The following CCDC57 variants were observed in gnomAD, a reference collection of about 807,000 sequenced individuals.
CCDC57 encodes the protein coiled-coil domain-containing protein 57.
A neutral mutation model predicts 118.9 loss-of-function variants in CCDC57; 118 were observed. That is an observed-to-expected ratio of 0.99 (90% CI 0.86 to 1.16). The LOEUF is 1.16. Ranked by LOEUF, CCDC57 falls within the 50% of genes most tolerant of loss-of-function variation. The pLI is 0.00. For synonymous variants in CCDC57, 527 were observed against 532.9 expected (o/e 0.99, Z 0.15); for missense variants, 1,300 against 1,320.7 (o/e 0.98, Z 0.24).
intron 19 of CCDC57, among the ~76,000 whole-genome samples, chr17:82,108,358 G>A (rs538470145): frequency 2.6e-4 from 40 of 152,320 alleles, no homozygotes; most frequent in African/African-American, 8.7e-4. Context: ...CCTCGAAGGA[G>A]TCCCCCAGCC....
intron 19 of CCDC57, among the ~76,000 whole-genome samples, chr17:82,105,614 C>A (rs1461609977): frequency 4.6e-5 from 7 of 152,178 alleles, no homozygotes; most frequent in Non-Finnish European, 1.0e-4. Context: ...ACCCCCACCC[C>A]TGAGCTCCTG....
intron 19 of CCDC57, among the ~76,000 whole-genome samples, chr17:82,123,283 G>A (rs1455019272): frequency 7.1e-6 from 1 of 141,580 alleles, no homozygotes; most frequent in African/African-American, 2.6e-5. Flanking sequence ...ATGAACCAGT[G>A]TGCCCGGCCC....
intron 1 of CCDC57, among the ~76,000 whole-genome samples, chr17:82,209,584 A>C (rs2050025750): frequency 6.6e-6 from 1 of 151,692 alleles, no homozygotes; most frequent in African/African-American, 2.4e-5. Flanking sequence ...CTGAGCTCAG[A>C]TGGTCCTCCT....
At chr17:82,147,694 T>G (rs1598897991) in intron 16 of CCDC57, among the ~76,000 whole-genome samples, 1 of 105,066 alleles carries the variant, frequency 9.5e-6, no homozygotes, top group Non-Finnish European at 2.0e-5. Context: ...AATGGGTGGG[T>G]GGATGGATGG....
intron 18 of CCDC57, among the ~76,000 whole-genome samples, chr17:82,128,165 C>G (rs2037753848): frequency 6.6e-6 from 1 of 152,142 alleles, no homozygotes; most frequent in Admixed American, 6.5e-5. Context: ...AATGACAAAA[C>G]ATGTCTAGGG....
chr17:82,155,343 CT>C (rs377376624), intron 15 of CCDC57: 222 of 152,416 alleles, frequency 1.5e-3, no homozygotes, highest in African/African-American at 5.1e-3. Flanking sequence ...CCCCGTTCCC[CT>C]GACCGATCTG....
At chr17:82,175,614 G>A (rs1261632980) in intron 11 of CCDC57, 6 of 152,236 alleles carry the variant, frequency 3.9e-5, no homozygotes, top group African/African-American at 1.4e-4. Flanking sequence ...CGCCTCTGCA[G>A]ATGGAACCAC....
At chr17:82,205,957 A>G (rs2049576653) in intron 2 of CCDC57, among the ~76,000 whole-genome samples, 1 of 152,240 alleles carries the variant, frequency 6.6e-6, no homozygotes, top group Non-Finnish European at 1.5e-5. Context: ...GATGATCCCC[A>G]AAGCCCCAAG....
chr17:82,118,455 C>T lies in CCDC57; in HGVS notation c.2899+9237G>A, dbSNP rs1481133569. Among the ~76,000 whole-genome samples the T allele has an allele frequency of 6.6e-6, 1 of 152,168 alleles. No homozygotes were observed. The highest frequency in any genetic ancestry group is 1.5e-5 in the Non-Finnish European group (1 of 68,038). On this transcript the variant is annotated intron_variant, in intron 19 of 19. Transcript: ENST00000665763. This position sits in a 1 kb window ranked among gnomAD's most constrained non-coding sequence, Gnocchi z 4.7. ...GGGTTTGGAACATCCTTTGCCCCAG[C>T]GAGGTGCGAGGTGCTCCGGAACTTG...
intron 7 of CCDC57, among the ~76,000 whole-genome samples, chr17:82,191,265 A>G (rs2047640721): frequency 6.6e-6 from 1 of 152,094 alleles, no homozygotes; most frequent in Non-Finnish European, 1.5e-5. Flanking sequence ...GCGCCAGATG[A>G]TGAGGAAACA....
intron 11 of CCDC57, chr17:82,175,514 G>A (rs1474019921): frequency 6.6e-6 from 1 of 152,230 alleles, no homozygotes; most frequent in East Asian, 1.9e-4. Context: ...TGCCTCCTTT[G>A]GAGAGGCTCA....
Position 82,120,177 on chromosome 17 carries a change from T to A in CCDC57, c.2899+7515A>T, listed in dbSNP as rs533851889. On this transcript the variant is annotated intron_variant, in intron 19 of 19. Transcript: ENST00000665763. Reference sequence around the variant, plus strand: ...TCATTTCATTATTATTATTATTATTTTTTTTTTGCAGAGATGTTGCCCAGG... The same window carrying A: ...TCATTTCATTATTATTATTATTATTATTTTTTTGCAGAGATGTTGCCCAGG... Among the ~76,000 whole-genome samples the A allele has an allele frequency of 1.0e-3, 152 of 148,306 alleles. 1 individual carries two copies. The highest frequency in any genetic ancestry group is 3.4e-3 in the Middle Eastern group (1 of 292).
intron 2 of CCDC57, among the ~76,000 whole-genome samples, chr17:82,203,948 G>A (rs1396678017): frequency 6.6e-6 from 1 of 152,170 alleles, no homozygotes; most frequent in Non-Finnish European, 1.5e-5. Flanking sequence ...AGAGGGAGCG[G>A]GTACAAGGGC....
At chr17:82,198,865 C>T (rs1201531976) in intron 3 of CCDC57, among the ~76,000 whole-genome samples, 4 of 151,398 alleles carry the variant, frequency 2.6e-5, no homozygotes, top group African/African-American at 4.9e-5. Context: ...TGGTGGCGGG[C>T]GCCTGTAGTC....
intron 6 of CCDC57, 47 bp downstream of exon 5, chr17:82,193,935 G>A (rs1358871791): frequency 1.9e-6 from 3 of 1,585,694 alleles, no homozygotes; most frequent in Admixed American, 1.8e-5. Flanking sequence ...GTCCTGGCCT[G>A]CGAGGCTGCC....
chr17:82,171,900 T>C (rs1422228510), intron 12 of CCDC57, 47 bp from the exon 12 acceptor site: 2 of 1,584,620 alleles, frequency 1.3e-6, no homozygotes, highest in Non-Finnish European at 1.7e-6. Context: ...CAGCATCCTT[T>C]CGCACCTCCC....
intron 18 of CCDC57, among the ~76,000 whole-genome samples, 195 bp from the exon 18 acceptor site, chr17:82,128,103 G>A (rs1411557817): frequency 6.6e-6 from 1 of 152,098 alleles, no homozygotes; most frequent in Non-Finnish European, 1.5e-5. Context: ...CTCAGCGCTG[G>A]GAACGCTGAG....
chr17:82,118,366 T>G lies in CCDC57; in HGVS notation c.2899+9326A>C, dbSNP rs2036200088. ...GAAACCCGATGTGGGTGTTATCCAT[T>G]AGCGCAGGACTGAAACCTGATGTGT... is the stretch of plus-strand genomic sequence containing the variant. On this transcript the variant is annotated intron_variant, in intron 19 of 19. Coordinates refer to ENST00000665763, the Ensembl canonical transcript of CCDC57. This position sits in a 1 kb window ranked among gnomAD's most constrained non-coding sequence, Gnocchi z 4.7. Among the ~76,000 whole-genome samples, 1 of 152,146 alleles carries G rather than the reference T, an allele frequency of 6.6e-6. No homozygotes were observed. The highest frequency in any genetic ancestry group is 1.5e-5 in the Non-Finnish European group (1 of 68,026).
intron 2 of CCDC57, among the ~76,000 whole-genome samples, chr17:82,202,602 T>C (rs1333214728): frequency 2.0e-5 from 3 of 151,476 alleles, no homozygotes; most frequent in African/African-American, 7.3e-5. Flanking sequence ...ATATAAAAAT[T>C]AGCCATGCAT....
Sources: allele counts gnomAD v4.1 joint callset (sites outside exome capture counted in the v4.1 genomes callset), GRCh38; gene constraint gnomAD v4.1.1; non-coding constraint Gnocchi (gnomAD v3.1); transcripts MANE v1.5; gene names NCBI Gene and HGNC (gene_info 2026-07-23, HGNC 2026-07-21).